The following WWOX variants were observed in gnomAD, a reference collection of about 807,000 sequenced individuals.
The protein encoded by WWOX is WW domain containing oxidoreductase, also known as WW domain-containing oxidoreductase.
A neutral mutation model predicts 46.2 loss-of-function variants in WWOX; 69 were observed. The ratio of observed to expected loss-of-function variants is 1.49; its 90% CI spans 1.23 to 1.82. The LOEUF is 1.82. Ranked by LOEUF, WWOX falls within the 40% of genes most tolerant of loss-of-function variation. The pLI is 0.00. For missense variants in WWOX, 919 were observed against 542.6 expected (o/e 1.69, Z -6.89); for synonymous variants, 359 against 202.6 (o/e 1.77, Z -6.56).
intron 8 of WWOX, among the ~76,000 whole-genome samples, chr16:78,657,164 C>A (rs1051780553): frequency 3.9e-5 from 6 of 152,184 alleles, no homozygotes; most frequent in Admixed American, 1.3e-4. Context: ...GTGTCCTGCT[C>A]ATCACTGAGG....
chr16:78,929,612 G>C (rs1317728302), intron 8 of WWOX, among the ~76,000 whole-genome samples: 1 of 152,140 alleles, frequency 6.6e-6, no homozygotes, highest in Non-Finnish European at 1.5e-5. Context: ...GGCGGGATAA[G>C]ATTGCCAGGC....
At chr16:78,685,765 G>T (rs2047840721) in intron 8 of WWOX, among the ~76,000 whole-genome samples, 1 of 152,138 alleles carries the variant, frequency 6.6e-6, no homozygotes, top group Admixed American at 6.5e-5. Flanking sequence ...TAAGATCTTG[G>T]CTTGTGTGTT....
chr16:79,140,499 C>A lies in WWOX; in HGVS notation c.1057-71109C>A, dbSNP rs933365702. On this transcript the variant is annotated intron_variant, in intron 8 of 8. Transcript: ENST00000566780. ...CAGTCCTTTTGGAGTTCAGTAGATT[C>A]CTTGTCTCTGGAAAATCAGCAGAAA... Among the ~76,000 whole-genome samples, 5 of 152,324 alleles carry A rather than the reference C, an allele frequency of 3.3e-5. No homozygotes were observed. In the East Asian group the frequency reaches 5.8e-4, roughly 18 times the overall value.
At chr16:78,325,272 T>A (rs1189323131) in intron 5 of WWOX, among the ~76,000 whole-genome samples, 1 of 152,242 alleles carries the variant, frequency 6.6e-6, no homozygotes, top group Non-Finnish European at 1.5e-5. Flanking sequence ...TGATCACAGG[T>A]GTTGTTAAAA....
chr16:78,103,321 A>C (rs934578515), intron 1 of WWOX, among the ~76,000 whole-genome samples: 1 of 150,386 alleles, frequency 6.6e-6, no homozygotes, highest in Non-Finnish European at 1.5e-5. Context: ...GGTTTGTTAC[A>C]TAAGTAAACC....
chr16:78,644,851 CATGTAGAAGAGGATAG>C (rs1253215104), intron 8 of WWOX, among the ~76,000 whole-genome samples: 1 of 152,076 alleles, frequency 6.6e-6, no homozygotes, highest in Non-Finnish European at 1.5e-5. Flanking sequence ...AGCAGGAGAG[CATGTAGAAGAGGATAG>C]ATGTAGAAAA....
chr16:78,666,510 C>A (rs1047027249), intron 8 of WWOX, among the ~76,000 whole-genome samples: 1 of 152,186 alleles, frequency 6.6e-6, no homozygotes, highest in African/African-American at 2.4e-5. Flanking sequence ...TTTTAAAGAT[C>A]TGCCTAGGTC....
chr16:78,147,675 CTTTTTTTTT>C (rs33931881), intron 4 of WWOX, among the ~76,000 whole-genome samples: 2 of 90,642 alleles, frequency 2.2e-5, no homozygotes, highest in Non-Finnish European at 4.4e-5. Flanking sequence ...TTCTTTCTTC[CTTTTTTTTT>C]TTTTTTTTTT....
intron 8 of WWOX, among the ~76,000 whole-genome samples, chr16:78,818,131 C>G (rs960404900): frequency 1.3e-5 from 2 of 152,142 alleles, no homozygotes; most frequent in Non-Finnish European, 2.9e-5. Context: ...TGCCTTGACT[C>G]GTGATTGGGT....
chr16:78,680,379 C>T (rs537299675), intron 8 of WWOX, among the ~76,000 whole-genome samples: 1 of 151,998 alleles, frequency 6.6e-6, no homozygotes, highest in African/African-American at 2.4e-5. Flanking sequence ...CCTATCTCTA[C>T]AAAAATTAGC....
chr16:79,024,963 C>G (rs1191712113), intron 8 of WWOX, among the ~76,000 whole-genome samples: 3 of 152,126 alleles, frequency 2.0e-5, no homozygotes, highest in Non-Finnish European at 2.9e-5. Context: ...TGATGTGAGG[C>G]CTACACAACA....
At chr16:78,276,621 A>G (rs944277533) in intron 5 of WWOX, among the ~76,000 whole-genome samples, 2 of 152,212 alleles carry the variant, frequency 1.3e-5, no homozygotes, top group Non-Finnish European at 2.9e-5. Context: ...TGCAGCTGAA[A>G]TTGGGATCGC....
intron 8 of WWOX, among the ~76,000 whole-genome samples, chr16:78,533,564 A>G (rs1257749138): frequency 6.6e-6 from 1 of 152,162 alleles, no homozygotes; most frequent in East Asian, 1.9e-4. Context: ...GAGGGGCTTG[A>G]GCATTTGAAA....
intron 8 of WWOX, among the ~76,000 whole-genome samples, chr16:79,035,144 T>C (rs2047840812): frequency 6.6e-6 from 1 of 152,202 alleles, no homozygotes; most frequent in Non-Finnish European, 1.5e-5. Flanking sequence ...ATCTCATCAT[T>C]TGACCGTCAG....
intron 8 of WWOX, among the ~76,000 whole-genome samples, chr16:78,914,575 C>T (rs190175349): frequency 6.6e-6 from 1 of 151,864 alleles, no homozygotes; most frequent in Non-Finnish European, 1.5e-5. Context: ...CTTTTAGGCA[C>T]TGTGAGTATA....
intron 8 of WWOX, among the ~76,000 whole-genome samples, chr16:79,127,342 T>C (rs1416099135): frequency 6.6e-6 from 1 of 152,206 alleles, no homozygotes; most frequent in Admixed American, 6.5e-5. Flanking sequence ...AATATGTTTG[T>C]ATATTCTTCT....
intron 8 of WWOX, among the ~76,000 whole-genome samples, chr16:79,072,756 A>G (rs527737950): frequency 3.3e-4 from 50 of 152,302 alleles, no homozygotes; most frequent in African/African-American, 1.2e-3. Context: ...CAATTCTTCA[A>G]CTTTGCCTGT....
At chr16:78,204,824 C>A (rs900504069) in intron 5 of WWOX, among the ~76,000 whole-genome samples, 2 of 152,102 alleles carry the variant, frequency 1.3e-5, no homozygotes, top group Non-Finnish European at 2.9e-5. Context: ...GTGATGGAAG[C>A]AAAGTTAGAC....
Position 78,316,386 on chromosome 16 carries a change from G to T in WWOX, c.517-70474G>T, listed in dbSNP as rs181973824. ...AAAGGGTTTTGCTCTTGTCACCTGG[G>T]CTGGGGTGCAATGGCGTGATCTTGG... On this transcript the variant is annotated intron_variant, in intron 5 of 8. Transcript: ENST00000566780. Among the ~76,000 whole-genome samples, 12 of 152,228 alleles carry T rather than the reference G, an allele frequency of 7.9e-5. No homozygotes were observed. The East Asian group carries it at 2.3e-3, about 29-fold the overall frequency.
Sources: gnomAD v4.1 joint callset for allele counts (sites outside exome capture counted in the v4.1 genomes callset) on GRCh38, gnomAD v4.1.1 for gene constraint, MANE v1.5 for transcripts, NCBI Gene and HGNC (gene_info 2026-07-23, HGNC 2026-07-21) for gene names.